Variants in PEPD observed in about 807,000 individuals in gnomAD.
PEPD encodes peptidase D, also known as xaa-Pro dipeptidase.
Under a neutral mutation model 60.7 loss-of-function variants are expected in PEPD, and 53 were observed. That is an observed-to-expected ratio of 0.87 (90% CI 0.70 to 1.10). PEPD has a LOEUF of 1.10. PEPD is among the 50% of genes least tolerant of loss of function. The probability of loss-of-function intolerance (pLI) is 0.00; values close to 1 mark genes in which losing one functional copy is unlikely to be tolerated. For missense variants in PEPD, 711 were observed against 711.9 expected (o/e 1.00, Z 0.01); for synonymous variants, 267 against 284.1 (o/e 0.94, Z 0.60).
At chr19:33,398,259 C>G (rs569547770) in intron 12 of PEPD, among the ~76,000 whole-genome samples, 1 of 152,354 alleles carries the variant, frequency 6.6e-6, no homozygotes, top group East Asian at 1.9e-4. Context: ...TTGGTGGGCC[C>G]CCGCCCCTCA....
At chr19:33,509,286 T>C (rs767729061) in intron 3 of PEPD, among the ~76,000 whole-genome samples, 39 of 152,242 alleles carry the variant, frequency 2.6e-4, no homozygotes, top group Non-Finnish European at 4.4e-4. Flanking sequence ...CGTGCCCTTC[T>C]TCCCAGGGGC....
chr19:33,435,789 C>A (rs1178618023), intron 9 of PEPD, among the ~76,000 whole-genome samples: 3 of 152,098 alleles, frequency 2.0e-5, no homozygotes, highest in African/African-American at 7.2e-5. Context: ...GCAGCCCAAC[C>A]CACGCTCCCA....
intron 9 of PEPD, among the ~76,000 whole-genome samples, chr19:33,446,736 C>A (rs139565759): frequency 6.6e-6 from 1 of 152,238 alleles, no homozygotes; most frequent in East Asian, 1.9e-4. Context: ...GAGGGCCCAG[C>A]GGGCATCAGG....
At chr19:33,446,115 A>G (rs1600121955) in intron 9 of PEPD, among the ~76,000 whole-genome samples, 1 of 151,916 alleles carries the variant, frequency 6.6e-6, no homozygotes, top group Admixed American at 6.6e-5. Flanking sequence ...GTCACTACTC[A>G]TTACCTACTT....
At chr19:33,458,992 T>G (rs948663780) in intron 9 of PEPD, among the ~76,000 whole-genome samples, 64 of 151,832 alleles carry the variant, frequency 4.2e-4, no homozygotes, top group Admixed American at 6.5e-4. Context: ...TTGCTCCATG[T>G]GGCCAAAGAG....
At position 33,387,882 on chromosome 19, in the gene PEPD, G is replaced by GCACT; in HGVS notation, c.1344+4_1344+7dup. 1.3e-6 allele frequency: 2 copies of GCACT among 1,555,032 alleles called. No individual in the cohort carries two copies. Among genetic ancestry groups the GCACT allele is most frequent in the Non-Finnish European group, 1.7e-6 (2 of 1,149,352 alleles). ...CTGGGAGCAAGAATGGGGCCCGTGG[G>GCACT]CACTCACCCCGCCAAAACCGCGAAA... On this transcript the variant is annotated splice_region_variant and intron_variant, in intron 14 of 14. Transcript: ENST00000244137.
chr19:33,485,948 C>A (rs751021735), intron 6 of PEPD, among the ~76,000 whole-genome samples: 55 of 152,176 alleles, frequency 3.6e-4, no homozygotes, highest in Non-Finnish European at 2.5e-4. Flanking sequence ...CTGCCTTGTG[C>A]CAAGAAGGCA....
rs531112371 is a variant in PEPD at position 33,457,409 on chromosome 19, C to T, written c.671+5586G>A. ...TCGCCCCAGAGGGGCGTCCTCTCTG[C>T]GGCCCCACGCCCCCTGCAGTCCTGA... is the stretch of plus-strand genomic sequence containing the variant. On this transcript the variant is annotated intron_variant, in intron 9 of 14. Coordinates refer to ENST00000244137, the MANE Select transcript of PEPD (RefSeq NM_000285.4). 2.0e-3 allele frequency among the ~76,000 whole-genome samples: 308 copies of T among 152,306 alleles called. 1 individual carries two copies. Among genetic ancestry groups the T allele is most frequent in the African/African-American group, 6.6e-3 (273 of 41,570 alleles).
intron 9 of PEPD, among the ~76,000 whole-genome samples, chr19:33,460,082 C>T (rs987867166): frequency 2.6e-5 from 4 of 152,166 alleles, no homozygotes; most frequent in Admixed American, 1.3e-4. Context: ...GGCACACCCC[C>T]GGGTAACCAA....
intron 7 of PEPD, among the ~76,000 whole-genome samples, chr19:33,472,186 G>A (rs1369539436): frequency 1.3e-5 from 2 of 150,674 alleles, no homozygotes; most frequent in African/African-American, 4.9e-5. Context: ...AAATCAGCTA[G>A]GCATGGGAGT....
At chr19:33,438,589 GGAAGCC>G (rs1371509800) in intron 9 of PEPD, among the ~76,000 whole-genome samples, 2 of 152,218 alleles carry the variant, frequency 1.3e-5, no homozygotes, top group African/African-American at 4.8e-5. Flanking sequence ...GGGTTCTGCT[GGAAGCC>G]GACAGCCCAA....
intron 12 of PEPD, among the ~76,000 whole-genome samples, chr19:33,394,023 C>G (rs1168709313): frequency 6.6e-6 from 1 of 152,238 alleles, no homozygotes; most frequent in African/African-American, 2.4e-5. Flanking sequence ...TGCAGCCGTC[C>G]CCTGGACGGA....
At chr19:33,436,179 G>T (rs923387440) in intron 9 of PEPD, among the ~76,000 whole-genome samples, 8 of 151,752 alleles carry the variant, frequency 5.3e-5, no homozygotes, top group African/African-American at 1.9e-4. Flanking sequence ...GAGGGAGAAA[G>T]AGGAGGAAGA....
chr19:33,509,539 T>G (rs796667658), intron 3 of PEPD, among the ~76,000 whole-genome samples: 10 of 152,224 alleles, frequency 6.6e-5, no homozygotes, highest in African/African-American at 2.4e-4. Flanking sequence ...AGGGTAGCAC[T>G]GGAAGCAGGG....
chr19:33,458,523 TGTGTATGTGTG>T (rs1333401368), intron 9 of PEPD, among the ~76,000 whole-genome samples: 1 of 145,446 alleles, frequency 6.9e-6, no homozygotes, highest in Non-Finnish European at 1.5e-5. Flanking sequence ...TGGCGCATGA[TGTGTATGTGTG>T]GTGTGTGTGT....
At chr19:33,496,950 G>A (rs574129452) in intron 4 of PEPD, among the ~76,000 whole-genome samples, 6 of 152,278 alleles carry the variant, frequency 3.9e-5, no homozygotes, top group Non-Finnish European at 8.8e-5. Flanking sequence ...CTTTGCCAGC[G>A]CTGGGAAAGC....
chr19:33,472,827 G>A (rs533430909), intron 7 of PEPD, among the ~76,000 whole-genome samples: 2 of 152,280 alleles, frequency 1.3e-5, no homozygotes, highest in South Asian at 4.1e-4. Context: ...TTCTATTGGA[G>A]CCAGGTGGGC....
At chr19:33,389,575 C>T (rs774324476) in intron 13 of PEPD, among the ~76,000 whole-genome samples, 5 of 152,080 alleles carry the variant, frequency 3.3e-5, no homozygotes, top group Admixed American at 6.5e-5. Flanking sequence ...CCACAGCAAT[C>T]GAAGCCAGGG....
intron 3 of PEPD, among the ~76,000 whole-genome samples, chr19:33,506,463 C>T (rs1292710635): frequency 1.3e-5 from 2 of 148,154 alleles, no homozygotes; most frequent in African/African-American, 2.5e-5. Flanking sequence ...ACACCCACCA[C>T]ACCCCATCAC....
Sources: gnomAD v4.1 joint callset for allele counts (sites outside exome capture counted in the v4.1 genomes callset) on GRCh38, gnomAD v4.1.1 for gene constraint, MANE v1.5 for transcripts, NCBI Gene and HGNC (gene_info 2026-07-23, HGNC 2026-07-21) for gene names.